CTNNA3: variants seen among roughly 807,000 people sequenced by gnomAD.
CTNNA3 encodes catenin alpha-3.
In CTNNA3, 76 loss-of-function variants were observed where a neutral mutation model predicts 95.7. The ratio of observed to expected loss-of-function variants is 0.79; its 90% CI spans 0.66 to 0.96. The LOEUF is 0.96. CTNNA3 is among the 40% of genes least tolerant of loss of function. CTNNA3 has a pLI of 0.00. For missense variants in CTNNA3, 1,191 were observed against 1,089.8 expected (o/e 1.09, Z -1.31); for synonymous variants, 431 against 374.4 (o/e 1.15, Z -1.74).
At chr10:66,195,519 C>T (rs1564750950) in intron 13 of CTNNA3, among the ~76,000 whole-genome samples, 1 of 152,226 alleles carries the variant, frequency 6.6e-6, no homozygotes, top group East Asian at 1.9e-4. Context: ...ATAGCCCTGT[C>T]TCAGTTAGCA....
At chr10:66,124,125 C>G (rs2082712589) in intron 13 of CTNNA3, among the ~76,000 whole-genome samples, 3 of 152,136 alleles carry the variant, frequency 2.0e-5, no homozygotes, top group African/African-American at 7.2e-5. Flanking sequence ...CTTTTATGCT[C>G]TGCTTCTCTT....
At chr10:66,580,255 G>A (rs1388214581) in intron 10 of CTNNA3, among the ~76,000 whole-genome samples, 8 of 151,334 alleles carry the variant, frequency 5.3e-5, no homozygotes, top group East Asian at 1.9e-4. Context: ...CTCCTTTGGT[G>A]ACATTCTTCC....
chr10:66,128,650 G>T (rs1399341746), intron 13 of CTNNA3, among the ~76,000 whole-genome samples: 3 of 152,180 alleles, frequency 2.0e-5, no homozygotes, highest in Non-Finnish European at 4.4e-5. Context: ...AGAGGGAGGG[G>T]ATGTATAGGC....
chr10:66,765,896 T>G (rs999627491), intron 9 of CTNNA3, among the ~76,000 whole-genome samples: 4 of 152,178 alleles, frequency 2.6e-5, no homozygotes, highest in Non-Finnish European at 4.4e-5. Flanking sequence ...AAATATGACT[T>G]GAAAGGCTGA....
chr10:66,300,018 G>A (rs975116969), intron 12 of CTNNA3, among the ~76,000 whole-genome samples: 2 of 151,512 alleles, frequency 1.3e-5, no homozygotes, highest in Non-Finnish European at 1.5e-5. Context: ...TCAGCCTCCC[G>A]AGTAGCTGGG....
intron 12 of CTNNA3, among the ~76,000 whole-genome samples, chr10:66,334,158 A>T (rs1265699622): frequency 6.6e-6 from 1 of 151,950 alleles, no homozygotes; most frequent in African/African-American, 2.4e-5. Flanking sequence ...AATACAGCAC[A>T]CTGATGGGTC....
intron 10 of CTNNA3, among the ~76,000 whole-genome samples, chr10:66,586,812 C>T (rs1843374909): frequency 3.3e-5 from 5 of 152,122 alleles, no homozygotes; most frequent in Admixed American, 3.3e-4. Flanking sequence ...AAACTTCTCA[C>T]AAGTGGGAAG....
At chr10:67,503,153 T>G (rs1023996989) in intron 5 of CTNNA3, among the ~76,000 whole-genome samples, 1 of 152,172 alleles carries the variant, frequency 6.6e-6, no homozygotes. Flanking sequence ...GGGAAAAGCA[T>G]AGTGTCTGGG....
At chr10:67,507,069 A>C (rs183828701) in intron 5 of CTNNA3, among the ~76,000 whole-genome samples, 14 of 152,340 alleles carry the variant, frequency 9.2e-5, no homozygotes, top group Non-Finnish European at 2.1e-4. Flanking sequence ...GAAACATTAG[A>C]AGTGATACCA....
chr10:67,030,979 G>C (rs142581729), intron 7 of CTNNA3, among the ~76,000 whole-genome samples: 10 of 152,178 alleles, frequency 6.6e-5, no homozygotes, highest in African/African-American at 2.2e-4. Flanking sequence ...ACTCCAGCCT[G>C]GGCAACAAGA....
chr10:67,122,836 T>C (rs903571181), intron 7 of CTNNA3, among the ~76,000 whole-genome samples: 1 of 152,134 alleles, frequency 6.6e-6, no homozygotes, highest in Non-Finnish European at 1.5e-5. Context: ...TGAGGCCATA[T>C]ACAGGATATC....
At chr10:67,519,048 T>C (rs373876878) in intron 5 of CTNNA3, among the ~76,000 whole-genome samples, 16 of 152,220 alleles carry the variant, frequency 1.1e-4, no homozygotes, top group African/African-American at 3.6e-4. Flanking sequence ...ATTAGTCTTT[T>C]TGAAAGTAGG....
At position 65,920,243 on chromosome 10, in the gene CTNNA3, G is replaced by A; in HGVS notation, c.*87C>T. ...TGTGAGTTAAACACCAAAACTTAGTGAAATTACAGAACTTCTTAAGTGTAA... is the reference window on the plus strand; with the variant it reads ...TGTGAGTTAAACACCAAAACTTAGTAAAATTACAGAACTTCTTAAGTGTAA... On this transcript the variant is annotated 3_prime_UTR_variant, in exon 18 of 18. Coordinates refer to ENST00000433211, the MANE Select transcript of CTNNA3 (RefSeq NM_013266.4). 3 of 1,187,926 alleles carry A rather than the reference G, an allele frequency of 2.5e-6. No individual in the cohort carries two copies. Among genetic ancestry groups the A allele is most frequent in the Non-Finnish European group, 3.6e-6 (3 of 835,566 alleles). 73.6% of individuals were successfully genotyped at this position (1,187,926 alleles called of 1,614,324 possible).
intron 12 of CTNNA3, among the ~76,000 whole-genome samples, chr10:66,299,644 A>G (rs1259291997): frequency 6.6e-6 from 1 of 152,210 alleles, no homozygotes; most frequent in African/African-American, 2.4e-5. Context: ...TATACTATCC[A>G]TTCAGAGAGA....
At chr10:66,456,682 C>T (rs2093497108) in intron 11 of CTNNA3, among the ~76,000 whole-genome samples, 1 of 151,556 alleles carries the variant, frequency 6.6e-6, no homozygotes, top group Admixed American at 6.6e-5. Context: ...TCTCAAAAAA[C>T]AAACAAAAAA....
intron 2 of CTNNA3, among the ~76,000 whole-genome samples, chr10:67,632,312 T>TTTAA (rs551582053): frequency 6.9e-6 from 1 of 144,234 alleles, no homozygotes; most frequent in African/African-American, 2.5e-5. Flanking sequence ...TTAAATATAT[T>TTTAA]AAAAAAAAAA....
At chr10:66,509,695 C>T (rs1316250045) in intron 11 of CTNNA3, among the ~76,000 whole-genome samples, 1 of 151,762 alleles carries the variant, frequency 6.6e-6, no homozygotes, top group African/African-American at 2.4e-5. Context: ...AGATGTATTT[C>T]TGGGTTCTCT....
chr10:67,160,261 C>G (rs1473285239), intron 7 of CTNNA3, among the ~76,000 whole-genome samples: 1 of 152,014 alleles, frequency 6.6e-6, no homozygotes, highest in Non-Finnish European at 1.5e-5. Context: ...TGCTTGTACA[C>G]TATTGATATA....
chr10:66,107,742 C>A (rs1460624646), intron 13 of CTNNA3, among the ~76,000 whole-genome samples: 1 of 151,530 alleles, frequency 6.6e-6, no homozygotes, highest in African/African-American at 2.4e-5. Flanking sequence ...TTCACTTGCG[C>A]AGACTTTATA....
Sources: allele counts gnomAD v4.1 joint callset (sites outside exome capture counted in the v4.1 genomes callset), GRCh38; gene constraint gnomAD v4.1.1; transcripts MANE v1.5; gene names NCBI Gene and HGNC (gene_info 2026-07-23, HGNC 2026-07-21).